The following ADAMTS3 variants were observed in gnomAD, a reference collection of about 807,000 sequenced individuals.
ADAMTS3 encodes A disintegrin and metalloproteinase with thrombospondin motifs 3.
In ADAMTS3, 73 loss-of-function variants were observed where a neutral mutation model predicts 129.0. The observed-to-expected ratio is 0.57, with a 90% CI of 0.47 to 0.69. ADAMTS3 has a LOEUF of 0.69. Among genes scored for constraint, ADAMTS3 ranks in the 30% least tolerant of loss-of-function variants. The pLI is 0.00. For missense variants in ADAMTS3, 1,457 were observed against 1,514.5 expected (o/e 0.96, Z 0.63); for synonymous variants, 477 against 510.8 (o/e 0.93, Z 0.89).
chr4:72,434,923 T>C (rs1298421417), intron 3 of ADAMTS3, among the ~76,000 whole-genome samples: 2 of 151,854 alleles, frequency 1.3e-5, no homozygotes, highest in African/African-American at 2.4e-5. Context: ...GATTGGTTTC[T>C]AGCTGACATC....
chr4:72,377,198 T>C (rs1172305217), intron 4 of ADAMTS3, among the ~76,000 whole-genome samples: 1 of 152,152 alleles, frequency 6.6e-6, no homozygotes, highest in Non-Finnish European at 1.5e-5. Flanking sequence ...TTGTTGTGTG[T>C]CTTGCCTCAC....
At chr4:72,517,563 G>T (rs982336844) in intron 3 of ADAMTS3, among the ~76,000 whole-genome samples, 39 of 152,264 alleles carry the variant, frequency 2.6e-4, no homozygotes, top group African/African-American at 9.1e-4. Flanking sequence ...GTTTAGTCTT[G>T]GGAGGGTGTA....
intron 3 of ADAMTS3, among the ~76,000 whole-genome samples, chr4:72,499,744 C>G (rs1719963280): frequency 1.3e-5 from 2 of 152,194 alleles, no homozygotes; most frequent in African/African-American, 4.8e-5. Context: ...GAGCACAATG[C>G]CCAATAGTTT....
intron 3 of ADAMTS3, chr4:72,441,886 C>T (rs894653972): frequency 6.7e-6 from 1 of 149,680 alleles, no homozygotes; most frequent in African/African-American, 2.5e-5. Flanking sequence ...ATATCGGTTC[C>T]ACAACTTAAT....
At position 72,423,243 on chromosome 4, in the gene ADAMTS3, C is replaced by T. The variant is rs148941974; in HGVS notation, c.505-8272G>A. Among the ~76,000 whole-genome samples the T allele has an allele frequency of 5.9e-5, 9 of 152,180 alleles. No homozygotes were observed. The East Asian group carries it at 1.7e-3, about 29-fold the overall frequency. ...TTATCATTTTGTGCTAAATCTGTTACAACCTTATACTAGTTCATAGCACAG... is the reference window on the plus strand; with the variant it reads ...TTATCATTTTGTGCTAAATCTGTTATAACCTTATACTAGTTCATAGCACAG... On this transcript the variant is annotated intron_variant, in intron 3 of 21. Transcript: ENST00000286657.
At chr4:72,347,231 A>G (rs1025040122) in intron 4 of ADAMTS3, among the ~76,000 whole-genome samples, 6 of 151,782 alleles carry the variant, frequency 4.0e-5, no homozygotes, top group African/African-American at 1.5e-4. Flanking sequence ...TGGTCTTTTC[A>G]GTTTCACAAA....
At chr4:72,530,372 T>G (rs1486927954) in intron 3 of ADAMTS3, among the ~76,000 whole-genome samples, 1 of 85,852 alleles carries the variant, frequency 1.2e-5, no homozygotes, top group Non-Finnish European at 2.0e-5. Context: ...ATAAATATAA[T>G]ATATAATATA....
intron 3 of ADAMTS3, among the ~76,000 whole-genome samples, chr4:72,456,963 T>C (rs931064726): frequency 1.3e-5 from 2 of 151,670 alleles, no homozygotes; most frequent in Non-Finnish European, 3.0e-5. Context: ...AAGATCGTAG[T>C]CTTAAGTTTG....
intron 3 of ADAMTS3, among the ~76,000 whole-genome samples, chr4:72,489,191 C>G (rs1719669906): frequency 6.6e-6 from 1 of 151,898 alleles, no homozygotes; most frequent in Non-Finnish European, 1.5e-5. Flanking sequence ...GGTTGTTTCC[C>G]TATCTTGTTG....
intron 4 of ADAMTS3, among the ~76,000 whole-genome samples, chr4:72,362,414 C>G (rs1228725960): frequency 2.6e-5 from 4 of 152,054 alleles, no homozygotes; most frequent in African/African-American, 9.7e-5. Flanking sequence ...AACAAAGAGA[C>G]TATATTAAGT....
chr4:72,512,531 T>C (rs942171447), intron 3 of ADAMTS3, among the ~76,000 whole-genome samples: 1 of 152,160 alleles, frequency 6.6e-6, no homozygotes, highest in African/African-American at 2.4e-5. Flanking sequence ...ACTTACTATT[T>C]GATAGCATAG....
chr4:72,473,565 A>C (rs1578712589), intron 3 of ADAMTS3, among the ~76,000 whole-genome samples: 1 of 151,988 alleles, frequency 6.6e-6, no homozygotes, highest in Non-Finnish European at 1.5e-5. Context: ...AAAAAAAAAA[A>C]AAACACGGTC....
chr4:72,344,840 T>C (rs1160107239), intron 4 of ADAMTS3, among the ~76,000 whole-genome samples: 1 of 152,116 alleles, frequency 6.6e-6, no homozygotes, highest in Non-Finnish European at 1.5e-5. Flanking sequence ...CCAGTGACTG[T>C]AGACTCACCA....
In ADAMTS3 at chr4:72,530,426, A is replaced by G. The variant is rs1215609933; in HGVS notation, c.504+18052T>C. 2.1e-3 allele frequency among the ~76,000 whole-genome samples: 178 copies of G among 85,618 alleles called. 1 individual carries two copies. The highest frequency in any genetic ancestry group is 8.1e-3 in the African/African-American group (168 of 20,796). The allele number at this position is 85,618 out of a possible 152,430, so 56.2% of individuals were successfully genotyped here. On this transcript the variant is annotated intron_variant, in intron 3 of 21. Transcript: ENST00000286657. Reference sequence around the variant, plus strand: ...GAATTTAATATATAATATATATTAAATTAATATATGTTAATTTAATATATA... The same window carrying G: ...GAATTTAATATATAATATATATTAAGTTAATATATGTTAATTTAATATATA...
intron 3 of ADAMTS3, among the ~76,000 whole-genome samples, chr4:72,424,068 G>A (rs900311373): frequency 1.3e-5 from 2 of 152,028 alleles, no homozygotes; most frequent in Non-Finnish European, 2.9e-5. Flanking sequence ...TGGAAATTAA[G>A]AGATGTTAAA....
At chr4:72,520,722 C>T (rs1483835045) in intron 3 of ADAMTS3, among the ~76,000 whole-genome samples, 7 of 152,226 alleles carry the variant, frequency 4.6e-5, no homozygotes, top group Middle Eastern at 3.4e-3. Flanking sequence ...GGGATTGACC[C>T]GATTTTCCAG....
At chr4:72,488,859 C>T (rs1482640612) in intron 3 of ADAMTS3, among the ~76,000 whole-genome samples, 1 of 151,762 alleles carries the variant, frequency 6.6e-6, no homozygotes, top group Non-Finnish European at 1.5e-5. Flanking sequence ...CAACTATAGT[C>T]ACCAGAACTT....
chr4:72,422,028 A>G (rs1262556789), intron 3 of ADAMTS3, among the ~76,000 whole-genome samples: 1 of 152,190 alleles, frequency 6.6e-6, no homozygotes, highest in Non-Finnish European at 1.5e-5. Flanking sequence ...TCAATAAAAA[A>G]TTCACATTCC....
At chr4:72,294,959 C>T (rs1201003439) in intron 19 of ADAMTS3, among the ~76,000 whole-genome samples, 1 of 152,044 alleles carries the variant, frequency 6.6e-6, no homozygotes, top group African/African-American at 2.4e-5. Flanking sequence ...AGAGAACTCT[C>T]TGTTCTCTAA....
Sources: gnomAD v4.1 joint callset for allele counts (sites outside exome capture counted in the v4.1 genomes callset) on GRCh38, gnomAD v4.1.1 for gene constraint, MANE v1.5 for transcripts, NCBI Gene and HGNC (gene_info 2026-07-23, HGNC 2026-07-21) for gene names.